Variants in CHD7 observed in about 807,000 individuals in gnomAD.
CHD7 encodes the protein chromodomain helicase DNA binding protein 7, also known as ATP-dependent chromatin remodeler CHD7.
In CHD7, 24 loss-of-function variants were observed where a neutral mutation model predicts 307.3. That is an observed-to-expected ratio of 0.08 (90% CI 0.06 to 0.11). The LOEUF (loss-of-function observed/expected upper bound fraction) is 0.11. Among genes scored for constraint, CHD7 ranks in the 10% least tolerant of loss-of-function variants. The pLI, the probability that CHD7 is intolerant of heterozygous loss-of-function variation, is 1.00. For missense variants in CHD7, 3,106 were observed against 3,727.1 expected (o/e 0.83, Z 4.34); for synonymous variants, 1,363 against 1,349.9 (o/e 1.01, Z -0.21).
intron 3 of CHD7, among the ~76,000 whole-genome samples, chr8:60,791,871 G>A (rs1446644445): frequency 6.6e-6 from 1 of 152,178 alleles, no homozygotes; most frequent in Non-Finnish European, 1.5e-5. Context: ...TATGTATGTT[G>A]CTTGGATGAA....
At chr8:60,766,371 G>GGAGATGGGAAGGT in intron 2 of CHD7, among the ~76,000 whole-genome samples, 1 of 152,186 alleles carries the variant, frequency 6.6e-6, no homozygotes, top group Non-Finnish European at 1.5e-5. Flanking sequence ...GTGAGGTGAG[G>GGAGATGGGAAGGT]ACTTTAGATT....
chr8:60,712,359 A>G (rs1204256152), intron 1 of CHD7, among the ~76,000 whole-genome samples: 28 of 152,186 alleles, frequency 1.8e-4, no homozygotes, highest in Admixed American at 1.8e-3. Flanking sequence ...TTATAGGGAA[A>G]AATAATAGGA....
intron 1 of CHD7, among the ~76,000 whole-genome samples, chr8:60,738,799 A>G (rs183662187): frequency 5.3e-5 from 8 of 152,218 alleles, no homozygotes; most frequent in Middle Eastern, 3.4e-3. Context: ...TTACCTGAGC[A>G]TGGTTGTAGT....
chr8:60,817,935 A>G (rs1352213401), intron 8 of CHD7, among the ~76,000 whole-genome samples: 1 of 152,072 alleles, frequency 6.6e-6, no homozygotes, highest in East Asian at 1.9e-4. Context: ...GGTCCTGTTT[A>G]TTAAGTTTAT....
intron 2 of CHD7, among the ~76,000 whole-genome samples, chr8:60,772,291 T>C (rs1810749051): frequency 6.6e-6 from 1 of 152,220 alleles, no homozygotes; most frequent in Non-Finnish European, 1.5e-5. Flanking sequence ...GATTGTTCAG[T>C]GTTGCAGACA....
At chr8:60,749,096 G>T (rs1809492004) in intron 2 of CHD7, among the ~76,000 whole-genome samples, 1 of 151,780 alleles carries the variant, frequency 6.6e-6, no homozygotes, top group African/African-American at 2.4e-5. Context: ...TACAAGGCCG[G>T]GCGTGGTGGC....
intron 3 of CHD7, among the ~76,000 whole-genome samples, chr8:60,788,796 G>A (rs1344883679): frequency 6.6e-6 from 1 of 152,138 alleles, no homozygotes; most frequent in Non-Finnish European, 1.5e-5. Flanking sequence ...GTTGACCTCT[G>A]GGTTTATTAT....
chr8:60,762,027 T>C (rs545354220), intron 2 of CHD7, among the ~76,000 whole-genome samples: 1 of 152,290 alleles, frequency 6.6e-6, no homozygotes, highest in African/African-American at 2.4e-5. Context: ...TCCTTTCCAA[T>C]TGCCATGAGA....
chr8:60,727,842 A>G (rs745992479), intron 1 of CHD7, among the ~76,000 whole-genome samples: 9 of 152,130 alleles, frequency 5.9e-5, no homozygotes, highest in African/African-American at 2.2e-4. Context: ...CCTCTCTTCC[A>G]TACCAAATAA....
chr8:60,848,427 T>G (rs1367043704), intron 23 of CHD7, 88 bp from the exon 24 acceptor site: 3 of 846,096 alleles, frequency 3.5e-6, no homozygotes, highest in Non-Finnish European at 5.8e-6. Flanking sequence ...GGCAGGATGA[T>G]GGATGAACAG....
intron 1 of CHD7, among the ~76,000 whole-genome samples, chr8:60,690,120 T>C (rs958760863): frequency 6.6e-6 from 1 of 152,094 alleles, no homozygotes; most frequent in African/African-American, 2.4e-5. Flanking sequence ...TATTCTCAAA[T>C]AGGTATACAG....
rs561647942 is a variant in CHD7, at chr8:60,684,788, G to A, written c.-175+5706G>A. ...ATGAGTGTTAAGCAGCCTTTGACAC[G>A]AGCAGAGTAGTGTTTTGAAGAAGAT... On this transcript the variant is annotated intron_variant, in intron 1 of 37. Transcript: ENST00000423902. Among the ~76,000 whole-genome samples, 27 of 152,302 alleles carry A rather than the reference G, an allele frequency of 1.8e-4. No homozygotes were observed. The South Asian group carries it at 5.4e-3, about 30-fold the overall frequency.
At position 60,742,260 on chromosome 8, in the gene CHD7, C is replaced by T. The variant is rs992508075; in HGVS notation, c.828C>T (p.Ser276=). ...GESVAHSPRF[S]PNPPQQGAVR... ...CCGTTGCCCACAGTCCCAGATTCTC[C>T]CCGAATCCTCCCCAACAAGGGGCTG... Residue 276 remains serine, a synonymous_variant, in exon 2 of 38, where the codon TCC becomes TCT. Transcript: ENST00000423902. 1.2e-6 allele frequency: 2 copies of T among 1,613,768 alleles called. No individual in the cohort carries two copies. Among genetic ancestry groups the T allele is most frequent in the Non-Finnish European group, 1.7e-6 (2 of 1,179,870 alleles).
rs117673653 is a variant in CHD7 at position 60,784,732 on chromosome 8, C to A, written c.2096+3302C>A. ...TTTTGACAACTAAAATATGATCATA[C>A]ATGTCTTTCCTCTGCAGGAGGACCT... On this transcript the variant is annotated intron_variant, in intron 3 of 37. Transcript: ENST00000423902. 1.1e-3 allele frequency among the ~76,000 whole-genome samples: 162 copies of A among 152,252 alleles called. 2 individuals carry two copies. The East Asian group carries it at 0.028, about 27-fold the overall frequency.
At position 60,865,193 on chromosome 8, in the gene CHD7, G is replaced by A. The variant is rs373124679; in HGVS notation, c.8254G>A (p.Gly2752Arg). The change falls in exon 38 of 38, where the codon GGA (glycine) becomes AGA (arginine). Residue 2752 changes from glycine to arginine, a missense_variant. Transcript: ENST00000423902. The surrounding 1 kb of genome is among the most constrained non-coding windows in gnomAD (Gnocchi z 4.3). Reference sequence around the variant, plus strand: ...TTTGCTGGTGAACAGCCTGTTTGCTGGAATGGACCTGACGAGCCTTCAGAA... The same window carrying A: ...TTTGCTGGTGAACAGCCTGTTTGCTAGAATGGACCTGACGAGCCTTCAGAA... ...NPLLVNSLFAGMDLTSLQNLQ... is the reference protein window; with the variant it reads ...NPLLVNSLFARMDLTSLQNLQ... 1.7e-5 allele frequency: 27 copies of A among 1,611,606 alleles called. No individual in the cohort carries two copies. The highest frequency in any genetic ancestry group is 2.0e-5 in the Non-Finnish European group (23 of 1,178,980).
chr8:60,766,377 A>G, intron 2 of CHD7, among the ~76,000 whole-genome samples: 1 of 152,244 alleles, frequency 6.6e-6, no homozygotes, highest in Non-Finnish European at 1.5e-5. Context: ...TGAGGACTTT[A>G]GATTTTTCTG....
chr8:60,725,130 G>T (rs539252628), intron 1 of CHD7, among the ~76,000 whole-genome samples: 1 of 152,214 alleles, frequency 6.6e-6, no homozygotes, highest in Non-Finnish European at 1.5e-5. Context: ...GGAACACCTA[G>T]CCCAGGGCCT....
chr8:60,802,522 G>A (rs1395877219), intron 6 of CHD7, among the ~76,000 whole-genome samples: 2 of 152,160 alleles, frequency 1.3e-5, no homozygotes, highest in Admixed American at 1.3e-4. Context: ...GTTTCAGCAT[G>A]TAAAACAAAC....
chr8:60,818,035 C>T (rs1803830287), intron 8 of CHD7, among the ~76,000 whole-genome samples: 1 of 152,184 alleles, frequency 6.6e-6, no homozygotes, highest in Non-Finnish European at 1.5e-5. Context: ...CATTATTTAC[C>T]TGGTAACTTG....
Sources: allele counts gnomAD v4.1 joint callset (sites outside exome capture counted in the v4.1 genomes callset), GRCh38; gene constraint gnomAD v4.1.1; non-coding constraint Gnocchi (gnomAD v3.1); transcripts MANE v1.5; gene names NCBI Gene and HGNC (gene_info 2026-07-23, HGNC 2026-07-21).